Variants in CABP7 observed in about 807,000 individuals in gnomAD.
CABP7 encodes the protein calcium-binding protein 7.
In CABP7, 13 loss-of-function variants were observed where a neutral mutation model predicts 23.1. That is an observed-to-expected ratio of 0.56 (90% CI 0.37 to 0.90). The LOEUF (loss-of-function observed/expected upper bound fraction) is 0.90, where lower values mean the gene tolerates loss of function less well. Ranked by LOEUF, CABP7 falls within the 40% of genes least tolerant of loss-of-function variation. The probability of loss-of-function intolerance (pLI) is 0.01; values close to 1 mark genes in which losing one functional copy is unlikely to be tolerated. For synonymous variants in CABP7, 123 were observed against 115.3 expected (o/e 1.07, Z -0.43); for missense variants, 248 against 295.6 (o/e 0.84, Z 1.18).
rs1601710124 is a variant in CABP7 at position 29,729,862 on chromosome 22, A to C, written c.*293A>C. ...ACCATCCAGGGGCTCCTGGGAAATT[A>C]AGGAGGGATTTGCACAGGAACCCCC... is the stretch of plus-strand genomic sequence containing the variant. On this transcript the variant is annotated 3_prime_UTR_variant, in exon 5 of 5. Coordinates refer to ENST00000216144, the MANE Select transcript of CABP7 (RefSeq NM_182527.3). 4 of 427,398 alleles carry C rather than the reference A, an allele frequency of 9.4e-6. No individual in the cohort carries two copies. In the East Asian group the frequency reaches 1.3e-4, roughly 14 times the overall value. The allele number at this position is 427,398 out of a possible 1,614,324, so 26.5% of individuals were successfully genotyped here.
chr22:29,731,602 CG>C lies in CABP7; in HGVS notation c.*2034del. 2.2e-6 allele frequency: 1 copy of C among 464,814 alleles called. No homozygotes were observed. Among genetic ancestry groups the C allele is most frequent in the Non-Finnish European group, 3.7e-6 (1 of 266,706 alleles). The allele number at this position is 464,814 out of a possible 1,614,324, so 28.8% of individuals were successfully genotyped here. Reference sequence around the variant, plus strand: ...GCTGCGAGACAATGGGAATAACCTTCGTGTCCACCTGTGGGGGACTGATTCA... The same window carrying C: ...GCTGCGAGACAATGGGAATAACCTTCTGTCCACCTGTGGGGGACTGATTCA... On this transcript the variant is annotated 3_prime_UTR_variant, in exon 5 of 5. Coordinates refer to ENST00000216144, the MANE Select transcript of CABP7 (RefSeq NM_182527.3).
In CABP7 at chr22:29,729,040, G is replaced by A. The variant is rs777587637; in HGVS notation, c.367-15G>A. 6.2e-7 allele frequency: 1 copy of A among 1,607,970 alleles called. No homozygotes were observed. ...GCGGTGGCTCTCAGAGCACCGTGTT[G>A]TCCCCCTCCGCAAGTGCGACATGCA... On this transcript the variant is annotated splice_polypyrimidine_tract_variant and intron_variant, in intron 3 of 4. Coordinates refer to ENST00000216144, the MANE Select transcript of CABP7 (RefSeq NM_182527.3).
At chr22:29,729,419 G>A in intron 4 of CABP7, 23 bp from the exon 5 acceptor site, 1 of 1,607,270 alleles carries the variant, frequency 6.2e-7, no homozygotes, top group South Asian at 1.1e-5. Flanking sequence ...TGTCTCCCCG[G>A]TGCTCCCGGC....
rs935546990 is a variant in CABP7, at chr22:29,730,904, G to A, written c.*1335G>A. 4.9e-6 allele frequency: 1 copy of A among 206,030 alleles called. No individual in the cohort carries two copies. Among genetic ancestry groups the A allele is most frequent in the African/African-American group, 2.3e-5 (1 of 43,356 alleles). The allele number at this position is 206,030 out of a possible 1,614,324, so 12.8% of individuals were successfully genotyped here. A position where few individuals can be genotyped will look rare whatever the true frequency, so the allele number is the denominator to read the frequency against. On this transcript the variant is annotated 3_prime_UTR_variant, in exon 5 of 5. Coordinates refer to ENST00000216144, the MANE Select transcript of CABP7 (RefSeq NM_182527.3). ...CCTCCTTGCCCGACCTCTGCTAGGG[G>A]CTGGAGAACAGAGCTCAGAGCACCC...
At position 29,727,935 on chromosome 22, in the gene CABP7, G is replaced by A. The variant is rs1435378102; in HGVS notation, c.253+130G>A. On this transcript the variant is annotated intron_variant, in intron 2 of 4. Coordinates refer to ENST00000216144, the MANE Select transcript of CABP7 (RefSeq NM_182527.3). This position sits in a 1 kb window ranked among gnomAD's most constrained non-coding sequence, Gnocchi z 4.2. ...CGCTCCCCTGACTCCCACCCTCAAA[G>A]TCCGTGGCAGGTTGCAGCCCGGTCT... The A allele has an allele frequency of 9.1e-7, 1 of 1,095,854 alleles. No homozygotes were observed. The highest frequency in any genetic ancestry group is 1.3e-6 in the Non-Finnish European group (1 of 788,578). The allele number at this position is 1,095,854 out of a possible 1,614,324, so 67.9% of individuals were successfully genotyped here. A position where few individuals can be genotyped will look rare whatever the true frequency, so the allele number is the denominator to read the frequency against.
At chr22:29,722,470 G>A (rs190373203) in intron 1 of CABP7, among the ~76,000 whole-genome samples, 2 of 152,378 alleles carry the variant, frequency 1.3e-5, no homozygotes, top group East Asian at 3.9e-4. Context: ...CATCTGAAGG[G>A]CAGGGCCCTC....
intron 3 of CABP7, 76 bp from the exon 4 acceptor site, chr22:29,728,979 C>CG (rs1271910701): frequency 7.1e-6 from 11 of 1,546,926 alleles, no homozygotes; most frequent in Non-Finnish European, 9.7e-6. Context: ...GGCCTGTCAC[C>CG]GGGTCTGTAT....
intron 1 of CABP7, among the ~76,000 whole-genome samples, chr22:29,726,315 C>CT (rs1438034605): frequency 2.0e-5 from 3 of 152,222 alleles, no homozygotes; most frequent in African/African-American, 7.2e-5. Context: ...GAAGTGTGGC[C>CT]TGGGACATGT....
At position 29,727,795 on chromosome 22, in the gene CABP7, G is replaced by A. The variant is rs2067807059; in HGVS notation, c.243G>A (p.Leu81=). 4 of 1,608,526 alleles carry A rather than the reference G, an allele frequency of 2.5e-6. No homozygotes were observed. The highest frequency in any genetic ancestry group is 1.7e-4 in the Middle Eastern group (1 of 5,828). Residue 81 remains leucine (L), a synonymous_variant, in exon 2 of 5, where the codon CTG becomes CTA. Coordinates refer to ENST00000216144, the MANE Select transcript of CABP7 (RefSeq NM_182527.3). This position sits in a 1 kb window ranked among gnomAD's most constrained non-coding sequence, Gnocchi z 4.2. ...AGCTGGAGGTCATCATCCAGCGGCT[G>A]GACATGGATGGTGAGCACCCCCCCG... is the stretch of plus-strand genomic sequence containing the variant. ...EVELEVIIQR[L]DMDGDGQVDF...
chr22:29,721,573 T>C (rs114414256), intron 1 of CABP7, among the ~76,000 whole-genome samples: 5,263 of 152,100 alleles, frequency 0.035, 114 homozygotes, highest in Non-Finnish European at 0.046. Flanking sequence ...TGGAGGCTCA[T>C]TAGGGCCTGG....
intron 1 of CABP7, among the ~76,000 whole-genome samples, chr22:29,723,686 C>T (rs1391825577): frequency 6.6e-6 from 1 of 152,188 alleles, no homozygotes; most frequent in Admixed American, 6.5e-5. Context: ...GCTGGGGAGT[C>T]CCCTTTCCTA....
intron 1 of CABP7, among the ~76,000 whole-genome samples, chr22:29,722,956 C>T (rs1052127321): frequency 1.3e-5 from 2 of 152,214 alleles, no homozygotes; most frequent in African/African-American, 2.4e-5. Context: ...CCCAGCCAGG[C>T]GGCGCTGGGT....
chr22:29,724,641 G>T (rs2067782925), intron 1 of CABP7, among the ~76,000 whole-genome samples: 1 of 152,196 alleles, frequency 6.6e-6, no homozygotes, highest in Admixed American at 6.5e-5. Context: ...GTCGGCTGGG[G>T]CAGGGCTCCC....
Position 29,731,087 on chromosome 22 carries a change from G to A in CABP7, c.*1518G>A, listed in dbSNP as rs1006508869. The stretch of plus-strand genomic sequence containing the variant: ...ACCCAGGACGAGGGCTGCACTTGGT[G>A]TGGCCGTGTCCTGAGCCTCAGTGAG... On this transcript the variant is annotated 3_prime_UTR_variant, in exon 5 of 5. Coordinates refer to ENST00000216144, the MANE Select transcript of CABP7 (RefSeq NM_182527.3). 4.3e-5 allele frequency: 40 copies of A among 927,274 alleles called. No individual in the cohort carries two copies. In the Admixed American group the frequency reaches 8.3e-4, roughly 19 times the overall value. 57.4% of individuals were successfully genotyped at this position (927,274 alleles called of 1,614,324 possible).
At position 29,720,648 on chromosome 22, in the gene CABP7, C is replaced by A; in HGVS notation, c.109+115C>A. 1 of 535,162 alleles carries A rather than the reference C, an allele frequency of 1.9e-6. No homozygotes were observed. Among genetic ancestry groups the A allele is most frequent in the South Asian group, 2.8e-5 (1 of 36,132 alleles). 33.2% of individuals were successfully genotyped at this position (535,162 alleles called of 1,614,324 possible). On this transcript the variant is annotated intron_variant, in intron 1 of 4. Transcript: ENST00000216144. This position sits in a 1 kb window ranked among gnomAD's most constrained non-coding sequence, Gnocchi z 5.2. ...GGGGGCGGTCCGCAGGTGCCGGTTG[C>A]CAGGTGGGCGCCCCAGCTAGCAGCT...
intron 1 of CABP7, among the ~76,000 whole-genome samples, chr22:29,725,367 C>T (rs1471117225): frequency 6.6e-6 from 1 of 152,206 alleles, no homozygotes; most frequent in Non-Finnish European, 1.5e-5. Flanking sequence ...ATGTGAACTG[C>T]TGCTCAGAAG....
Position 29,729,135 on chromosome 22 carries a change from C to G in CABP7, c.447C>G (p.Asp149Glu), listed in dbSNP as rs762238906. 13 of 1,611,622 alleles carry G rather than the reference C, an allele frequency of 8.1e-6. No individual in the cohort carries two copies. The South Asian group carries it at 1.4e-4, about 18-fold the overall frequency. ...TCTGCGAGCACCTGTCCATGAAGGA[C>G]ATAGAGAACATCATCATGACGGAGG... Reference protein sequence around the residue: ...DTFCEHLSMKDIENIIMTEEE... With the variant: ...DTFCEHLSMKEIENIIMTEEE... The change falls in exon 4 of 5, where the codon GAC (aspartate) becomes GAG (glutamate). Residue 149 changes from aspartate (D) to glutamate (E), a missense_variant. Asp to Glu is a conservative substitution (Grantham distance 45). Transcript: ENST00000216144.
rs2067751081 is a variant in CABP7 at position 29,720,407 on chromosome 22, G to A, written c.-18G>A. ...GCCTCAAAGTTTGCGGCGGGCGGGC[G>A]GGCGCGGAGCCTCCAAGATGCCGTT... is the stretch of plus-strand genomic sequence containing the variant. On this transcript the variant is annotated 5_prime_UTR_variant, in exon 1 of 5. Coordinates refer to ENST00000216144, the MANE Select transcript of CABP7 (RefSeq NM_182527.3). This position sits in a 1 kb window ranked among gnomAD's most constrained non-coding sequence, Gnocchi z 5.2. 5 of 1,466,452 alleles carry A rather than the reference G, an allele frequency of 3.4e-6. No homozygotes were observed. In the South Asian group the frequency reaches 6.3e-5, roughly 18 times the overall value. The allele number at this position is 1,466,452 out of a possible 1,614,324, so 90.8% of individuals were successfully genotyped here.
intron 1 of CABP7, among the ~76,000 whole-genome samples, chr22:29,724,823 C>G (rs2067784149): frequency 6.6e-6 from 1 of 152,212 alleles, no homozygotes; most frequent in South Asian, 2.1e-4. Flanking sequence ...TGCCTCCCAG[C>G]TTATCGCCTG....
Sources: gnomAD v4.1 joint callset for allele counts (sites outside exome capture counted in the v4.1 genomes callset) on GRCh38, gnomAD v4.1.1 for gene constraint, Gnocchi (gnomAD v3.1) non-coding constraint, MANE v1.5 for transcripts, NCBI Gene and HGNC (gene_info 2026-07-23, HGNC 2026-07-21) for gene names.